Variants in TRIM25 observed in about 807,000 individuals in gnomAD.
The protein encoded by TRIM25 is tripartite motif containing 25, also known as E3 ubiquitin/ISG15 ligase TRIM25.
In TRIM25, 45 loss-of-function variants were observed where a neutral mutation model predicts 65.2. The observed-to-expected ratio is 0.69, with a 90% CI of 0.54 to 0.89. The LOEUF is 0.89. Ranked by LOEUF, TRIM25 falls within the 40% of genes least tolerant of loss-of-function variation. TRIM25 has a pLI of 0.00. For synonymous variants in TRIM25, 321 were observed against 340.4 expected (o/e 0.94, Z 0.63); for missense variants, 714 against 803.7 (o/e 0.89, Z 1.35).
intron 1 of TRIM25, among the ~76,000 whole-genome samples, chr17:56,911,786 G>A (rs1166008192): frequency 2.6e-5 from 4 of 152,070 alleles, no homozygotes; most frequent in Admixed American, 2.6e-4. Flanking sequence ...TACCTACTCA[G>A]GAGGCTGAGG....
Position 56,899,196 on chromosome 17 carries a change from AG to A in TRIM25, c.1088-17del, listed in dbSNP as rs1567839703. 17 of 1,614,116 alleles carry A rather than the reference AG, an allele frequency of 1.1e-5. No individual in the cohort carries two copies. The highest frequency in any genetic ancestry group is 1.2e-5 in the Non-Finnish European group (14 of 1,179,998). Reference sequence around the variant, plus strand: ...CCAGGGTCACCTGTGTCAGAGAAGAAGGGCTCAGTGTGTGCGGCTCCTCTCA... The same window carrying A: ...CCAGGGTCACCTGTGTCAGAGAAGAAGGCTCAGTGTGTGCGGCTCCTCTCA... On this transcript the variant is annotated splice_polypyrimidine_tract_variant and intron_variant, in intron 4 of 8. Coordinates refer to ENST00000316881, the MANE Select transcript of TRIM25 (RefSeq NM_005082.5).
chr17:56,891,515 A>C lies in TRIM25; in HGVS notation c.*185T>G. On this transcript the variant is annotated 3_prime_UTR_variant, in exon 9 of 9. Coordinates refer to ENST00000316881, the MANE Select transcript of TRIM25 (RefSeq NM_005082.5). The stretch of plus-strand genomic sequence containing the variant: ...AGGGGGTGGAAACGCCTCCTCGCCC[A>C]CAACACAATCACTCTCACCCCTTTC... 1.3e-6 allele frequency: 1 copy of C among 781,278 alleles called. No homozygotes were observed. The allele number at this position is 781,278 out of a possible 1,614,324, so 48.4% of individuals were successfully genotyped here. A position where few individuals can be genotyped will look rare whatever the true frequency, so the allele number is the denominator to read the frequency against.
rs372183936 is a variant in TRIM25, at chr17:56,891,688, C to T, written c.*12G>A. The T allele has an allele frequency of 1.6e-5, 26 of 1,607,516 alleles. 1 individual carries two copies. The highest frequency in any genetic ancestry group is 6.7e-5 in the East Asian group (3 of 44,778). ...CTTCTGCAGGCAGTCAGCCCAAGTG[C>T]CTACAGCCTGCCTACTTGGGGGAGC... On this transcript the variant is annotated 3_prime_UTR_variant, in exon 9 of 9. Coordinates refer to ENST00000316881, the MANE Select transcript of TRIM25 (RefSeq NM_005082.5).
At chr17:56,911,469 GCT>G (rs1351011739) in intron 1 of TRIM25, among the ~76,000 whole-genome samples, 1 of 151,704 alleles carries the variant, frequency 6.6e-6, no homozygotes, top group East Asian at 1.9e-4. Flanking sequence ...AGTCCCAGCT[GCT>G]CGGGAGGTTG....
intron 2 of TRIM25, among the ~76,000 whole-genome samples, chr17:56,906,997 G>A (rs1909533864): frequency 6.6e-6 from 1 of 152,238 alleles, no homozygotes; most frequent in South Asian, 2.1e-4. Flanking sequence ...ATGCCCAGGA[G>A]TGATATGTGC....
In TRIM25 at chr17:56,913,211, T is replaced by C; in HGVS notation, c.597+181A>G. ...AAGCAACCTAACCTGTCTTCATGGA[T>C]GATGGGAAGGGACTATATAATCTCC... is the stretch of plus-strand genomic sequence containing the variant. On this transcript the variant is annotated intron_variant, in intron 1 of 8. Transcript: ENST00000316881. This position sits in a 1 kb window ranked among gnomAD's most constrained non-coding sequence, Gnocchi z 6.1. 2.1e-6 allele frequency: 1 copy of C among 466,382 alleles called. No homozygotes were observed. The highest frequency in any genetic ancestry group is 3.7e-6 in the Non-Finnish European group (1 of 271,196). The allele number at this position is 466,382 out of a possible 1,614,324, so 28.9% of individuals were successfully genotyped here.
chr17:56,898,248 T>C (rs184047018), intron 5 of TRIM25, among the ~76,000 whole-genome samples: 1 of 152,018 alleles, frequency 6.6e-6, no homozygotes, highest in Non-Finnish European at 1.5e-5. Context: ...CAGCGGTATA[T>C]GGACATGTCA....
In TRIM25 at chr17:56,901,491, G is replaced by C; in HGVS notation, c.1015C>G (p.Gln339Glu). ...LNHKLIKGIHQSTIDLKNELK... is the reference protein window; with the variant it reads ...LNHKLIKGIHESTIDLKNELK... ...TCGTTTTTGAGGTCTATGGTGCTCT[G>C]GTGGATGCCTTTTATCAGCTTGTGG... The change falls in exon 4 of 9, where the codon CAG (glutamine) becomes GAG (glutamate). Residue 339 changes from glutamine (Q) to glutamate (E), a missense_variant. Transcript: ENST00000316881. 1 of 1,614,164 alleles carries C rather than the reference G, an allele frequency of 6.2e-7. No individual in the cohort carries two copies. The highest frequency in any genetic ancestry group is 8.5e-7 in the Non-Finnish European group (1 of 1,180,030).
In TRIM25 at chr17:56,913,967, C is replaced by A; in HGVS notation, c.22G>T (p.Ala8Ser). 6.3e-7 allele frequency: 1 copy of A among 1,577,240 alleles called. No individual in the cohort carries two copies. The highest frequency in any genetic ancestry group is 8.6e-7 in the Non-Finnish European group (1 of 1,159,304). ...CAGATGGAGCACGACAGCTCCTCGGCCAGGGGGCACAGCTCTGCCATGGCG... is the reference window on the plus strand; with the variant it reads ...CAGATGGAGCACGACAGCTCCTCGGACAGGGGGCACAGCTCTGCCATGGCG... MAELCPL[A>S]EELSCSICLE... Residue 8 changes from alanine to serine, a missense_variant, in exon 1 of 9, where the codon GCC becomes TCC. This residue lies in a region of TRIM25 where 291 missense variants were observed against 281.8 expected (regional missense o/e 1.03). Transcript: ENST00000316881. This position sits in a 1 kb window ranked among gnomAD's most constrained non-coding sequence, Gnocchi z 6.1.
rs1909108309 is a variant in TRIM25 at position 56,888,750 on chromosome 17, G to A, written c.*2950C>T. On this transcript the variant is annotated 3_prime_UTR_variant, in exon 9 of 9. Coordinates refer to ENST00000316881, the MANE Select transcript of TRIM25 (RefSeq NM_005082.5). ...TTCCCGAAGAGGAACTCTATATAGGGCAGGACTAAGTGTGCTGGCTATAGG... is the reference window on the plus strand; with the variant it reads ...TTCCCGAAGAGGAACTCTATATAGGACAGGACTAAGTGTGCTGGCTATAGG... 1 of 152,166 alleles carries A rather than the reference G, an allele frequency of 6.6e-6. No individual in the cohort carries two copies. Among genetic ancestry groups the A allele is most frequent in the African/African-American group, 2.4e-5 (1 of 41,418 alleles). The allele number at this position is 152,166 out of a possible 1,614,324, so 9.4% of individuals were successfully genotyped here.
chr17:56,894,785 G>C (rs553768441), intron 8 of TRIM25, among the ~76,000 whole-genome samples: 1 of 152,232 alleles, frequency 6.6e-6, no homozygotes, highest in Admixed American at 6.5e-5. Context: ...GGGCCAGGGG[G>C]TCTTGGGAAA....
intron 3 of TRIM25, among the ~76,000 whole-genome samples, chr17:56,903,473 C>T (rs1030902891): frequency 6.6e-6 from 1 of 152,158 alleles, no homozygotes; most frequent in African/African-American, 2.4e-5. Context: ...GGACTACTAA[C>T]ACACACTTCC....
At chr17:56,897,237 T>C (rs1238329491) in intron 5 of TRIM25, among the ~76,000 whole-genome samples, 1 of 152,200 alleles carries the variant, frequency 6.6e-6, no homozygotes, top group Non-Finnish European at 1.5e-5. Context: ...TCCACTCAAG[T>C]GGGCTAGAAG....
At chr17:56,906,223 T>C (rs1909516957) in intron 2 of TRIM25, among the ~76,000 whole-genome samples, 2 of 152,222 alleles carry the variant, frequency 1.3e-5, no homozygotes, top group African/African-American at 4.8e-5. Flanking sequence ...ATCACAGGGT[T>C]TGACCTCCTT....
intron 3 of TRIM25, among the ~76,000 whole-genome samples, chr17:56,902,318 T>TG (rs1243508759): frequency 6.6e-6 from 1 of 152,112 alleles, no homozygotes; most frequent in Non-Finnish European, 1.5e-5. Context: ...ACTCAATCAA[T>TG]GGGGCACACC....
chr17:56,904,452 CTTG>C lies in TRIM25; in HGVS notation c.727_729del (p.Gln243del). ...AAGAGAGCCTTCATTTCCGTGTATT[CTTG>C]TTGTAGCTGCTCCACCTTTCTGTTT... On this transcript the variant is annotated inframe_deletion, in exon 3 of 9. Transcript: ENST00000316881. 1 of 1,614,128 alleles carries C rather than the reference CTTG, an allele frequency of 6.2e-7. No individual in the cohort carries two copies. Among genetic ancestry groups the C allele is most frequent in the Non-Finnish European group, 8.5e-7 (1 of 1,180,012 alleles).
intron 2 of TRIM25, among the ~76,000 whole-genome samples, chr17:56,905,846 G>C (rs1398848306): frequency 6.6e-6 from 1 of 151,954 alleles, no homozygotes; most frequent in Non-Finnish European, 1.5e-5. Flanking sequence ...GAGTGGGGGT[G>C]GTGAAGGGGA....
intron 3 of TRIM25, among the ~76,000 whole-genome samples, chr17:56,903,091 C>T (rs1368078254): frequency 1.3e-5 from 2 of 152,166 alleles, no homozygotes; most frequent in Non-Finnish European, 2.9e-5. Context: ...GCCAAATAAA[C>T]CTCTTTTCTT....
At position 56,895,259 on chromosome 17, in the gene TRIM25, C is replaced by T; in HGVS notation, c.1363+84G>A. ...AAGGGGAGTGGCTGATATAGCCGGC[C>T]AGCTGGCCTCACAGAGAGCTGCACA... On this transcript the variant is annotated intron_variant, in intron 8 of 8. Transcript: ENST00000316881. 3.7e-6 allele frequency: 4 copies of T among 1,087,034 alleles called. 1 individual carries two copies. The South Asian group carries it at 5.3e-5, about 14-fold the overall frequency. 67.3% of individuals were successfully genotyped at this position (1,087,034 alleles called of 1,614,324 possible).
Sources: allele counts gnomAD v4.1 joint callset (sites outside exome capture counted in the v4.1 genomes callset), GRCh38; gene constraint gnomAD v4.1.1; regional missense constraint gnomAD v4.1.1; non-coding constraint Gnocchi (gnomAD v3.1); transcripts MANE v1.5; gene names NCBI Gene and HGNC (gene_info 2026-07-23, HGNC 2026-07-21).